FLNB: variants seen among roughly 807,000 people sequenced by gnomAD.
The protein encoded by FLNB is filamin B, also known as filamin-B.
FLNB carries 111 observed loss-of-function variants against 250.6 expected under a neutral mutation model. That is an observed-to-expected ratio of 0.44 (90% confidence interval 0.38 to 0.52). FLNB has a LOEUF of 0.52. Among genes scored for constraint, FLNB ranks in the 20% least tolerant of loss-of-function variants. The pLI, the probability that FLNB is intolerant of heterozygous loss-of-function variation, is 0.00. For missense variants in FLNB, 2,869 were observed against 3,447.8 expected, an observed-to-expected ratio of 0.83 and a Z score of 4.20; for synonymous variants, 1,302 against 1,372.1, an observed-to-expected ratio of 0.95 and a Z score of 1.13.
chr3:58,108,575 A>G lies in FLNB; in HGVS notation c.2055+4A>G, dbSNP rs766663650. 1.3e-6 allele frequency: 2 copies of G among 1,579,352 alleles called. No individual in the cohort carries two copies. The highest frequency in any genetic ancestry group is 2.2e-5 in the South Asian group (2 of 90,400). ...TCCCTTAAAGATATTTGCTCAGGTA[A>G]ATTTCAGGGGGCCACCTGTGCAGGT... is the stretch of plus-strand genomic sequence containing the variant. On this transcript the variant is annotated splice_donor_region_variant and intron_variant, in intron 13 of 45. Coordinates refer to ENST00000295956, the MANE Select transcript of FLNB (RefSeq NM_001457.4).
chr3:58,076,361 T>TAC, intron 1 of FLNB, among the ~76,000 whole-genome samples: 1 of 152,018 alleles, frequency 6.6e-6, no homozygotes, highest in Admixed American at 6.5e-5. Context: ...CACACACGCA[T>TAC]ACACACACAA....
intron 1 of FLNB, among the ~76,000 whole-genome samples, chr3:58,017,439 G>C (rs1246699849): frequency 6.6e-6 from 1 of 152,098 alleles, no homozygotes. Flanking sequence ...TTTTAGTAGA[G>C]ATGAGGTTTC....
At chr3:58,058,663 G>A (rs1023584733) in intron 1 of FLNB, among the ~76,000 whole-genome samples, 5 of 152,196 alleles carry the variant, frequency 3.3e-5, no homozygotes, top group Non-Finnish European at 7.4e-5. Context: ...TAGGGACAGC[G>A]TTTTGAAAAC....
chr3:58,015,495 C>G (rs988684536), intron 1 of FLNB, among the ~76,000 whole-genome samples: 2 of 152,156 alleles, frequency 1.3e-5, no homozygotes, highest in African/African-American at 4.8e-5. Context: ...TATATGAAAG[C>G]CCATCTCTGA....
intron 41 of FLNB, among the ~76,000 whole-genome samples, chr3:58,159,166 G>A (rs528749999): frequency 9.2e-5 from 14 of 152,224 alleles, no homozygotes; most frequent in South Asian, 6.2e-4. Flanking sequence ...GTTCGTGTTC[G>A]TGAGTGCATG....
chr3:58,063,348 C>T (rs952456788), intron 1 of FLNB, among the ~76,000 whole-genome samples: 7 of 152,152 alleles, frequency 4.6e-5, no homozygotes, highest in Non-Finnish European at 8.8e-5. Context: ...GGAGGTCGGT[C>T]CCTGGGCTGA....
intron 22 of FLNB, among the ~76,000 whole-genome samples, chr3:58,124,807 G>C (rs1380001108): frequency 6.6e-6 from 1 of 151,466 alleles, no homozygotes; most frequent in East Asian, 2.0e-4. Context: ...CTTTCTTCTT[G>C]AGTATTAGGA....
At chr3:58,109,150 C>T in intron 13 of FLNB, 29 bp from the exon 14 acceptor site, 1 of 1,614,090 alleles carries the variant, frequency 6.2e-7, no homozygotes. Context: ...TGAGGGCCAC[C>T]TCTGGTCCTA....
intron 5 of FLNB, among the ~76,000 whole-genome samples, chr3:58,095,254 T>G (rs1559688477): frequency 6.6e-6 from 1 of 152,106 alleles, no homozygotes; most frequent in Non-Finnish European, 1.5e-5. Flanking sequence ...TTTATTTATT[T>G]ATTGAGACAG....
At chr3:58,100,028 A>AGT (rs200151109) in intron 8 of FLNB, among the ~76,000 whole-genome samples, 1 of 151,834 alleles carries the variant, frequency 6.6e-6, no homozygotes, top group Non-Finnish European at 1.5e-5. Flanking sequence ...AATTTCCATG[A>AGT]GTGTGTGTGT....
chr3:58,129,328 C>T (rs1013785956), intron 24 of FLNB, among the ~76,000 whole-genome samples: 3 of 152,098 alleles, frequency 2.0e-5, no homozygotes, highest in Non-Finnish European at 2.9e-5. Context: ...AGGGGAGTGG[C>T]GGATAATGCT....
intron 31 of FLNB, among the ~76,000 whole-genome samples, chr3:58,143,105 A>G (rs1485436062): frequency 6.6e-6 from 1 of 152,114 alleles, no homozygotes; most frequent in Non-Finnish European, 1.5e-5. Flanking sequence ...TTTGACACTG[A>G]GTCTGTCATA....
chr3:58,121,267 T>C lies in FLNB; in HGVS notation c.2890T>C (p.Phe964Leu). The change falls in exon 20 of 46, where the codon TTC becomes CTC. Residue 964 changes from phenylalanine to leucine, a missense_variant. Coordinates refer to ENST00000295956, the MANE Select transcript of FLNB (RefSeq NM_001457.4). ...NRVEVGKDQE[F>L]TVDTRGAGGQ... is the part of the protein sequence containing the mutation. The stretch of plus-strand genomic sequence containing the variant: ...GGTGGAAGTTGGGAAGGATCAGGAG[T>C]TCACCGTTGATACCAGGGGGGCAGG... 2 of 1,614,046 alleles carry C rather than the reference T, an allele frequency of 1.2e-6. No homozygotes were observed. Among genetic ancestry groups the C allele is most frequent in the Non-Finnish European group, 1.7e-6 (2 of 1,179,994 alleles).
intron 18 of FLNB, among the ~76,000 whole-genome samples, chr3:58,112,690 C>T (rs373658215): frequency 1.3e-4 from 20 of 152,214 alleles, no homozygotes; most frequent in African/African-American, 4.3e-4. Flanking sequence ...CATTCCCTCG[C>T]GGCCTCACCA....
At chr3:58,070,171 C>T (rs924093971) in intron 1 of FLNB, among the ~76,000 whole-genome samples, 1 of 151,836 alleles carries the variant, frequency 6.6e-6, no homozygotes, top group African/African-American at 2.4e-5. Flanking sequence ...CCTCAGCCTC[C>T]CAAGTAGCTG....
chr3:58,012,268 C>G (rs2097100114), intron 1 of FLNB, among the ~76,000 whole-genome samples: 1 of 149,228 alleles, frequency 6.7e-6, no homozygotes, highest in Non-Finnish European at 1.5e-5. Context: ...AAGGGACGTT[C>G]AAAATTAGGG....
chr3:58,151,619 A>G (rs1202372793), intron 38 of FLNB, among the ~76,000 whole-genome samples: 2 of 152,178 alleles, frequency 1.3e-5, no homozygotes. Context: ...TCCCACCTCA[A>G]AAAATAGACA....
chr3:58,163,194 C>T lies in FLNB; in HGVS notation c.7062C>T (p.Val2354=). ...AVRFIPHENG[V]HTIDVKFNGS... ...GCTTCATCCCTCATGAGAATGGTGT[C>T]CACACCATCGATGTCAAGTTCAATG... The change falls in exon 43 of 46, where the codon GTC becomes GTT. Residue 2354 remains valine (V), a synonymous_variant. Coordinates refer to ENST00000295956, the MANE Select transcript of FLNB (RefSeq NM_001457.4). 6.2e-7 allele frequency: 1 copy of T among 1,614,090 alleles called. No homozygotes were observed. The highest frequency in any genetic ancestry group is 8.5e-7 in the Non-Finnish European group (1 of 1,179,914).
intron 11 of FLNB, among the ~76,000 whole-genome samples, chr3:58,106,338 T>C (rs1470889574): frequency 4.3e-5 from 5 of 116,776 alleles, no homozygotes; most frequent in Non-Finnish European, 8.9e-5. Flanking sequence ...AAAATACATA[T>C]AATGTATTTA....
Sources: allele counts gnomAD v4.1 joint callset (sites outside exome capture counted in the v4.1 genomes callset), GRCh38; gene constraint gnomAD v4.1.1; transcripts MANE v1.5; gene names NCBI Gene and HGNC (gene_info 2026-07-23, HGNC 2026-07-21).